ALG11: variants seen among roughly 807,000 people sequenced by gnomAD.
ALG11 encodes the protein GDP-Man:Man(3)GlcNAc(2)-PP-Dol alpha-1,2-mannosyltransferase.
In ALG11, 26 loss-of-function variants were observed where a neutral mutation model predicts 38.8. The ratio of observed to expected loss-of-function variants is 0.67; its 90% CI spans 0.49 to 0.93. The LOEUF (loss-of-function observed/expected upper bound fraction) is 0.93. Ranked by LOEUF, ALG11 falls within the 40% of genes least tolerant of loss-of-function variation. The pLI is 0.00. For synonymous variants in ALG11, 199 were observed against 211.6 expected (o/e 0.94, Z 0.52); for missense variants, 535 against 578.8 (o/e 0.92, Z 0.78).
chr13:52,021,790 G>T (rs2140835706), intron 2 of ALG11: 1 of 152,406 alleles, frequency 6.6e-6, no homozygotes, highest in South Asian at 2.1e-4. Flanking sequence ...GGGGCTGTCG[G>T]GCATCTCTCT....
In ALG11 at chr13:52,032,566, A is replaced by G. The variant is rs1473463070; in HGVS notation, c.*3976A>G. Reference sequence around the variant, plus strand: ...ATGAAACGGTATATTATTTCTTTGCAGTCTCCTCTCAGTCATTCATCAATG... The same window carrying G: ...ATGAAACGGTATATTATTTCTTTGCGGTCTCCTCTCAGTCATTCATCAATG... On this transcript the variant is annotated 3_prime_UTR_variant, in exon 4 of 4. Coordinates refer to ENST00000521508, the MANE Select transcript of ALG11 (RefSeq NM_001004127.3). 1 of 167,102 alleles carries G rather than the reference A, an allele frequency of 6.0e-6. No homozygotes were observed. Among genetic ancestry groups the G allele is most frequent in the Non-Finnish European group, 1.5e-5 (1 of 68,126 alleles). The allele number at this position is 167,102 out of a possible 1,614,324, so 10.4% of individuals were successfully genotyped here.
intron 2 of ALG11, among the ~76,000 whole-genome samples, chr13:52,019,636 TA>T (rs111994055): frequency 2.0e-5 from 3 of 152,292 alleles, no homozygotes; most frequent in African/African-American, 7.2e-5. Context: ...TGACTTTAGT[TA>T]CTATGATAAA....
At position 52,031,245 on chromosome 13, in the gene ALG11, G is replaced by A. The variant is rs369380096; in HGVS notation, c.*2655G>A. 2 of 1,258,422 alleles carry A rather than the reference G, an allele frequency of 1.6e-6. No individual in the cohort carries two copies. Among genetic ancestry groups the A allele is most frequent in the Middle Eastern group, 2.2e-4 (1 of 4,640 alleles). The allele number at this position is 1,258,422 out of a possible 1,614,324, so 78.0% of individuals were successfully genotyped here. A position where few individuals can be genotyped will look rare whatever the true frequency, so the allele number is the denominator to read the frequency against. On this transcript the variant is annotated 3_prime_UTR_variant, in exon 4 of 4. Transcript: ENST00000521508. ...GCCACATTTTTTAAAAAAAGAAAATGGATGACCATTAATTGACTAGCATTT... is the reference window on the plus strand; with the variant it reads ...GCCACATTTTTTAAAAAAAGAAAATAGATGACCATTAATTGACTAGCATTT...
intron 1 of ALG11, among the ~76,000 whole-genome samples, chr13:52,015,631 G>A (rs768376980): frequency 4.6e-5 from 7 of 152,098 alleles, no homozygotes; most frequent in Non-Finnish European, 8.8e-5. Context: ...CACGAGATCT[G>A]ATGGGGTTTA....
intron 3 of ALG11, among the ~76,000 whole-genome samples, 165 bp from the exon 4 acceptor site, chr13:52,028,154 T>C (rs1954259658): frequency 6.6e-6 from 1 of 152,170 alleles, no homozygotes; most frequent in South Asian, 2.1e-4. Flanking sequence ...AACTTAAAAT[T>C]ATTTTATCTT....
At position 52,024,062 on chromosome 13, in the gene ALG11, A is replaced by G. The variant is rs1364375996; in HGVS notation, c.332A>G (p.Gln111Arg). 3 of 1,614,182 alleles carry G rather than the reference A, an allele frequency of 1.9e-6. No homozygotes were observed. Among genetic ancestry groups the G allele is most frequent in the South Asian group, 2.2e-5 (2 of 91,082 alleles). The stretch of plus-strand genomic sequence containing the variant: ...GGCGATGTTAATGTCAACGGTCAAC[A>G]GATACTAGAAGGTGCTTTCAGAAGA... ...YTGDVNVNGQ[Q>R]ILEGAFRRFN... Residue 111 changes from glutamine (Q) to arginine (R), a missense_variant, in exon 3 of 4, where the codon CAG (glutamine) becomes CGG (arginine). Transcript: ENST00000521508.
In ALG11 at chr13:52,031,162, GT is replaced by G. The variant is rs1176729732; in HGVS notation, c.*2576del. Reference sequence around the variant, plus strand: ...CCCTGATTCCACTTCCTTTGGTCCAGTTTTACTCTGCTACAGGGTGGATTCC... The same window carrying G: ...CCCTGATTCCACTTCCTTTGGTCCAGTTTACTCTGCTACAGGGTGGATTCC... On this transcript the variant is annotated 3_prime_UTR_variant, in exon 4 of 4. Transcript: ENST00000521508. The G allele has an allele frequency of 1.3e-6, 2 of 1,553,754 alleles. No homozygotes were observed. The highest frequency in any genetic ancestry group is 2.7e-5 in the African/African-American group (2 of 72,910).
At chr13:52,025,066 C>T in intron 3 of ALG11, 129 bp downstream of exon 3, 1 of 1,046,092 alleles carries the variant, frequency 9.6e-7, no homozygotes. Context: ...ACCAAATGTG[C>T]TTTCCTCACT....
rs764200705 is a variant in ALG11, at chr13:52,030,587, A to G, written c.*1997A>G. ...GGAGAGAGACCAAAGGCAGATGATA[A>G]AGGAAGCTTTTGCTGGGGATGATGT... is the stretch of plus-strand genomic sequence containing the variant. On this transcript the variant is annotated 3_prime_UTR_variant, in exon 4 of 4. Coordinates refer to ENST00000521508, the MANE Select transcript of ALG11 (RefSeq NM_001004127.3). The G allele has an allele frequency of 1.9e-6, 3 of 1,614,218 alleles. No individual in the cohort carries two copies. Among genetic ancestry groups the G allele is most frequent in the Non-Finnish European group, 2.5e-6 (3 of 1,180,046 alleles).
intron 2 of ALG11, chr13:52,021,038 G>A (rs1474428023): frequency 3.3e-5 from 5 of 152,168 alleles, no homozygotes; most frequent in African/African-American, 9.7e-5. Context: ...TCTCCTGGAC[G>A]TTTGATTTTA....
At chr13:52,027,587 C>T (rs9563089) in intron 3 of ALG11, among the ~76,000 whole-genome samples, 61,722 of 151,970 alleles carry the variant, frequency 0.41, 14,316 homozygotes, top group Non-Finnish European at 0.52. Context: ...CTTAATTCTC[C>T]TAGGAATATG....
Position 52,024,741 on chromosome 13 carries a change from TA to T in ALG11, c.1014del (p.Lys338AsnfsTer17). 2 of 1,614,244 alleles carry T rather than the reference TA, an allele frequency of 1.2e-6. No individual in the cohort carries two copies. Among genetic ancestry groups the T allele is most frequent in the South Asian group, 1.1e-5 (1 of 91,086 alleles). ...KKMVESPPSL[K>X]LVLIGGCRNK... ...AGATGGTTGAGTCACCTCCTTCGCT[TA>T]AACTTGTCCTCATTGGAGGTTGTCG... On this transcript the variant is annotated frameshift_variant, in exon 3 of 4. Coordinates refer to ENST00000521508, the MANE Select transcript of ALG11 (RefSeq NM_001004127.3). LOFTEE classifies it high-confidence loss of function.
At chr13:52,015,895 A>T (rs1334250890) in intron 1 of ALG11, 1 of 152,590 alleles carries the variant, frequency 6.6e-6, no homozygotes, top group Non-Finnish European at 1.5e-5. Context: ...CGACTTTGGA[A>T]CTGGGCAACA....
At position 52,032,358 on chromosome 13, in the gene ALG11, A is replaced by C. The variant is rs960328809; in HGVS notation, c.*3768A>C. ...TTAGTTACTAGGCCAGTAGCTAGGA[A>C]TTGGTATAAATTTAATGCACCTTCT... On this transcript the variant is annotated 3_prime_UTR_variant, in exon 4 of 4. Coordinates refer to ENST00000521508, the MANE Select transcript of ALG11 (RefSeq NM_001004127.3). 1.1e-4 allele frequency: 18 copies of C among 167,112 alleles called. No homozygotes were observed. Among genetic ancestry groups the C allele is most frequent in the African/African-American group, 4.1e-4 (17 of 41,472 alleles). The allele number at this position is 167,112 out of a possible 1,614,324, so 10.4% of individuals were successfully genotyped here.
At chr13:52,023,806 T>G in intron 2 of ALG11, 200 bp from the exon 3 acceptor site, 1 of 282,394 alleles carries the variant, frequency 3.5e-6, no homozygotes, top group Non-Finnish European at 6.5e-6. Flanking sequence ...TTTTTTTTTT[T>G]TTTTTTGAGA....
intron 2 of ALG11, 147 bp downstream of exon 2, chr13:52,019,290 C>CAT: frequency 1.4e-6 from 1 of 713,480 alleles, no homozygotes; most frequent in Non-Finnish European, 2.2e-6. Context: ...GGCACGATGT[C>CAT]GGCTCACTGC....
intron 3 of ALG11, among the ~76,000 whole-genome samples, chr13:52,026,081 C>A (rs191755911): frequency 6.6e-6 from 1 of 152,356 alleles, no homozygotes; most frequent in Non-Finnish European, 1.5e-5. Context: ...CAGGCAAGTG[C>A]CGTGCCGTGC....
intron 1 of ALG11, among the ~76,000 whole-genome samples, chr13:52,014,932 A>G (rs1031794087): frequency 1.3e-5 from 2 of 152,230 alleles, no homozygotes; most frequent in African/African-American, 2.4e-5. Flanking sequence ...TTTTAGACCA[A>G]TTATTTCAGC....
chr13:52,016,262 G>A (rs374394463), intron 1 of ALG11: 11 of 152,288 alleles, frequency 7.2e-5, no homozygotes, highest in East Asian at 3.9e-4. Context: ...TTTTAAAAGC[G>A]GAACAGAGCA....
Sources: gnomAD v4.1 joint callset for allele counts (sites outside exome capture counted in the v4.1 genomes callset) on GRCh38, gnomAD v4.1.1 for gene constraint, MANE v1.5 for transcripts, NCBI Gene and HGNC (gene_info 2026-07-23, HGNC 2026-07-21) for gene names.